SATB2: variants seen among roughly 807,000 people sequenced by gnomAD.
SATB2 encodes SATB homeobox 2.
In SATB2, 1 loss-of-function variant was observed where a neutral mutation model predicts 73.4. The observed-to-expected ratio is 0.01, with a 90% CI of 0.00 to 0.06. SATB2 has a LOEUF of 0.06. SATB2 is among the 10% of genes least tolerant of loss of function. The probability of loss-of-function intolerance (pLI) is 1.00; values close to 1 mark genes in which losing one functional copy is unlikely to be tolerated. For missense variants in SATB2, 459 were observed against 945.8 expected (o/e 0.49, Z 6.75); for synonymous variants, 397 against 367.0 (o/e 1.08, Z -0.93).
At chr2:199,280,294 C>A (rs1220637328) in intron 10 of SATB2, among the ~76,000 whole-genome samples, 3 of 152,128 alleles carry the variant, frequency 2.0e-5, no homozygotes, top group South Asian at 4.1e-4. Context: ...TCTTCGTAAG[C>A]TGAGGAGGAT....
chr2:199,434,377 T>C (rs1691591983), intron 2 of SATB2, among the ~76,000 whole-genome samples: 1 of 152,214 alleles, frequency 6.6e-6, no homozygotes, highest in Non-Finnish European at 1.5e-5. Context: ...ACTGAAATAT[T>C]TCTCTGCTTT....
intron 5 of SATB2, 156 bp from the exon 6 acceptor site, chr2:199,368,863 C>A: frequency 1.8e-6 from 1 of 564,106 alleles, no homozygotes; most frequent in Non-Finnish European, 3.1e-6. Context: ...AACACGATTA[C>A]CTGAATTTAC....
rs1026295625 is a variant in SATB2 at position 199,411,837 on chromosome 2, G to A, written c.346+21501C>T. The stretch of plus-strand genomic sequence containing the variant: ...TGTTACAAAGATAAGTGTTATAGGG[G>A]CATAAAGAAGAAAGTAACTAATGCT... On this transcript the variant is annotated intron_variant, in intron 3 of 10. Coordinates refer to ENST00000417098, the MANE Select transcript of SATB2 (RefSeq NM_001172509.2). Among the ~76,000 whole-genome samples, 4 of 152,210 alleles carry A rather than the reference G, an allele frequency of 2.6e-5. No individual in the cohort carries two copies. In the East Asian group the frequency reaches 7.7e-4, roughly 29 times the overall value.
intron 2 of SATB2, among the ~76,000 whole-genome samples, chr2:199,451,279 C>T (rs1320772689): frequency 6.6e-6 from 1 of 151,966 alleles, no homozygotes; most frequent in Non-Finnish European, 1.5e-5. Context: ...GTATGTTCCA[C>T]TGCATATATT....
At chr2:199,294,567 C>A (rs943129930) in intron 10 of SATB2, among the ~76,000 whole-genome samples, 3 of 152,106 alleles carry the variant, frequency 2.0e-5, no homozygotes, top group African/African-American at 7.2e-5. Flanking sequence ...CATGATGCAC[C>A]CAAATAAGAG....
At chr2:199,344,882 C>G (rs1688606071) in intron 7 of SATB2, among the ~76,000 whole-genome samples, 1 of 152,162 alleles carries the variant, frequency 6.6e-6, no homozygotes, top group African/African-American at 2.4e-5. Flanking sequence ...ATTCTGGCTC[C>G]TGTCCCCACT....
intron 7 of SATB2, among the ~76,000 whole-genome samples, chr2:199,344,824 T>C (rs1436687375): frequency 2.6e-5 from 4 of 152,158 alleles, no homozygotes; most frequent in African/African-American, 9.6e-5. Flanking sequence ...GAAAGTGTCA[T>C]GTACTTACTT....
chr2:199,429,020 A>G (rs867288477), intron 3 of SATB2, among the ~76,000 whole-genome samples: 31 of 151,520 alleles, frequency 2.0e-4, no homozygotes, highest in Non-Finnish European at 2.7e-4. Context: ...AAAAAAAAAA[A>G]AAAGAAAGAA....
chr2:199,436,023 G>A (rs1172458573), intron 2 of SATB2, among the ~76,000 whole-genome samples: 1 of 152,150 alleles, frequency 6.6e-6, no homozygotes, highest in African/African-American at 2.4e-5. Context: ...GTGTACATAA[G>A]TTTCGATGCT....
intron 10 of SATB2, among the ~76,000 whole-genome samples, chr2:199,293,264 T>C (rs1230761516): frequency 1.3e-5 from 2 of 152,124 alleles, no homozygotes; most frequent in Non-Finnish European, 2.9e-5. Flanking sequence ...TTTTCTTTTT[T>C]TCTAGTGATT....
At chr2:199,366,727 T>C (rs565600449) in intron 6 of SATB2, among the ~76,000 whole-genome samples, 1 of 151,250 alleles carries the variant, frequency 6.6e-6, no homozygotes, top group East Asian at 1.9e-4. Flanking sequence ...CCTCTTCAGG[T>C]GTGGATCCTT....
chr2:199,300,929 T>C (rs938804655), intron 10 of SATB2, among the ~76,000 whole-genome samples: 4 of 151,948 alleles, frequency 2.6e-5, no homozygotes, highest in Non-Finnish European at 5.9e-5. Flanking sequence ...CGGTGTGTTA[T>C]GGAGGTCCAG....
chr2:199,378,443 C>T (rs1198192679), intron 5 of SATB2, among the ~76,000 whole-genome samples: 1 of 152,192 alleles, frequency 6.6e-6, no homozygotes, highest in Non-Finnish European at 1.5e-5. Context: ...CCAGTATAAT[C>T]AAAATATGCA....
intron 6 of SATB2, among the ~76,000 whole-genome samples, chr2:199,362,880 C>T (rs959193401): frequency 1.3e-4 from 20 of 151,972 alleles, no homozygotes; most frequent in Admixed American, 2.6e-4. Flanking sequence ...CAGGGAGGGG[C>T]GTAAGGAAAT....
At chr2:199,344,697 A>G (rs1358707890) in intron 7 of SATB2, among the ~76,000 whole-genome samples, 1 of 152,144 alleles carries the variant, frequency 6.6e-6, no homozygotes, top group Non-Finnish European at 1.5e-5. Flanking sequence ...AACCACAATG[A>G]TTGGTATCAT....
chr2:199,359,952 C>G (rs1414006977), intron 6 of SATB2, among the ~76,000 whole-genome samples: 1 of 152,094 alleles, frequency 6.6e-6, no homozygotes, highest in Non-Finnish European at 1.5e-5. Flanking sequence ...GAATGAAGGC[C>G]ATTCATCAGT....
intron 5 of SATB2, among the ~76,000 whole-genome samples, chr2:199,370,263 A>G (rs1393015246): frequency 6.8e-6 from 1 of 146,812 alleles, no homozygotes; most frequent in Non-Finnish European, 1.5e-5. Context: ...TTTTTTTTCT[A>G]TCTCGTGTCT....
chr2:199,426,011 A>G (rs1475235045), intron 3 of SATB2, among the ~76,000 whole-genome samples: 1 of 152,186 alleles, frequency 6.6e-6, no homozygotes, highest in Non-Finnish European at 1.5e-5. Flanking sequence ...GAGGGCTGAG[A>G]CATGGTTAAC....
At chr2:199,441,662 C>G (rs1375484582) in intron 2 of SATB2, among the ~76,000 whole-genome samples, 1 of 152,144 alleles carries the variant, frequency 6.6e-6, no homozygotes, top group East Asian at 1.9e-4. Flanking sequence ...ACTGACCACC[C>G]CGAAGGATCA....
Sources: gnomAD v4.1 joint callset for allele counts (sites outside exome capture counted in the v4.1 genomes callset) on GRCh38, gnomAD v4.1.1 for gene constraint, MANE v1.5 for transcripts, NCBI Gene and HGNC (gene_info 2026-07-23, HGNC 2026-07-21) for gene names.